Variants in CDC42BPA observed in about 807,000 individuals in gnomAD.
CDC42BPA encodes serine/threonine-protein kinase MRCK alpha.
CDC42BPA carries 80 observed loss-of-function variants against 223.5 expected under a neutral mutation model. The observed-to-expected ratio is 0.36, with a 90% CI of 0.30 to 0.43. CDC42BPA has a LOEUF of 0.43. Ranked by LOEUF, CDC42BPA falls within the 20% of genes least tolerant of loss-of-function variation. The pLI is 1.00. For missense variants in CDC42BPA, 1,743 were observed against 2,099.9 expected (o/e 0.83, Z 3.32); for synonymous variants, 694 against 718.6 (o/e 0.97, Z 0.55).
At chr1:227,239,441 A>G (rs1213883182) in intron 2 of CDC42BPA, among the ~76,000 whole-genome samples, 2 of 152,184 alleles carry the variant, frequency 1.3e-5, no homozygotes, top group African/African-American at 4.8e-5. Context: ...TAATATGTCA[A>G]TGTAGTTTCC....
chr1:227,198,611 T>C (rs900654502), intron 4 of CDC42BPA, among the ~76,000 whole-genome samples: 96 of 152,244 alleles, frequency 6.3e-4, no homozygotes, highest in African/African-American at 2.2e-3. Context: ...TTTGAACACC[T>C]AGATCTGGCC....
At chr1:227,158,059 G>A (rs1663146122) in intron 6 of CDC42BPA, among the ~76,000 whole-genome samples, 1 of 151,436 alleles carries the variant, frequency 6.6e-6, no homozygotes, top group Non-Finnish European at 1.5e-5. Flanking sequence ...CTGGGTTCAA[G>A]CGATTCTCCT....
At chr1:227,025,381 A>C (rs933158156) in intron 31 of CDC42BPA, among the ~76,000 whole-genome samples, 1 of 152,200 alleles carries the variant, frequency 6.6e-6, no homozygotes. Flanking sequence ...TATGATTTTA[A>C]ATGGGTGCTA....
At chr1:227,160,234 G>A (rs3768437) in intron 6 of CDC42BPA, among the ~76,000 whole-genome samples, 25,833 of 152,064 alleles carry the variant, frequency 0.17, 2,340 homozygotes, top group Non-Finnish European at 0.19. Flanking sequence ...TTTTACCCCC[G>A]GTGAACTTTG....
chr1:227,224,971 A>T (rs567523935), intron 2 of CDC42BPA, among the ~76,000 whole-genome samples: 1 of 152,226 alleles, frequency 6.6e-6, no homozygotes, highest in African/African-American at 2.4e-5. Context: ...GCAATGAGCT[A>T]ACAGAGGGAA....
intron 6 of CDC42BPA, among the ~76,000 whole-genome samples, chr1:227,155,774 T>G (rs1268899416): frequency 6.6e-6 from 1 of 152,192 alleles, no homozygotes; most frequent in Non-Finnish European, 1.5e-5. Flanking sequence ...GACACGACGA[T>G]GAGTATTTGT....
chr1:227,077,062 A>T (rs912467507), intron 17 of CDC42BPA, among the ~76,000 whole-genome samples: 3 of 152,190 alleles, frequency 2.0e-5, no homozygotes, highest in Admixed American at 2.0e-4. Flanking sequence ...CAATTAGTTA[A>T]TACTTATTAA....
chr1:227,222,642 C>T (rs1344480528), intron 2 of CDC42BPA, among the ~76,000 whole-genome samples: 1 of 152,206 alleles, frequency 6.6e-6, no homozygotes. Context: ...ACTTTAGACA[C>T]ACAGGCCTTG....
At chr1:227,315,626 G>A (rs1019197914) in intron 1 of CDC42BPA, among the ~76,000 whole-genome samples, 3 of 151,220 alleles carry the variant, frequency 2.0e-5, no homozygotes, top group Admixed American at 6.6e-5. Flanking sequence ...TGAAACATGG[G>A]ATGTAAAACT....
At chr1:227,270,520 T>C (rs1685781704) in intron 1 of CDC42BPA, among the ~76,000 whole-genome samples, 1 of 152,222 alleles carries the variant, frequency 6.6e-6, no homozygotes, top group Admixed American at 6.5e-5. Context: ...ACCTCACTTG[T>C]AAAATGGTGA....
chr1:227,007,804 G>A (rs888111557), intron 34 of CDC42BPA, among the ~76,000 whole-genome samples: 10 of 152,166 alleles, frequency 6.6e-5, no homozygotes, highest in African/African-American at 1.7e-4. Flanking sequence ...GCTATTTAAC[G>A]TTAATAGAAA....
At position 226,990,257 on chromosome 1, in the gene CDC42BPA, T is replaced by TC. The variant is rs1181066727; in HGVS notation, c.*4010dup. ...AATAAAAAGACAAGTCATTTTGTTT[T>TC]CATGAGATTTCAAGGTTGATTTGAG... On this transcript the variant is annotated 3_prime_UTR_variant, in exon 37 of 37. Coordinates refer to ENST00000366766, the MANE Select transcript of CDC42BPA (RefSeq NM_001394014.1). 1.3e-5 allele frequency: 2 copies of TC among 152,246 alleles called. No homozygotes were observed. Among genetic ancestry groups the TC allele is most frequent in the Non-Finnish European group, 2.9e-5 (2 of 68,042 alleles). 9.4% of individuals were successfully genotyped at this position (152,246 alleles called of 1,614,324 possible). A position where few individuals can be genotyped will look rare whatever the true frequency, so the allele number is the denominator to read the frequency against.
intron 32 of CDC42BPA, among the ~76,000 whole-genome samples, chr1:227,017,650 G>T (rs1227084607): frequency 1.3e-5 from 2 of 152,096 alleles, no homozygotes; most frequent in Non-Finnish European, 2.9e-5. Context: ...GATCTTGGGG[G>T]TAGATGATGT....
At chr1:227,152,769 C>A (rs1464186425) in intron 6 of CDC42BPA, among the ~76,000 whole-genome samples, 1 of 152,014 alleles carries the variant, frequency 6.6e-6, no homozygotes, top group East Asian at 1.9e-4. Flanking sequence ...GGACAACACA[C>A]AAAACCAAAA....
chr1:227,200,415 A>T (rs1261829655), intron 3 of CDC42BPA, among the ~76,000 whole-genome samples: 1 of 147,104 alleles, frequency 6.8e-6, no homozygotes, highest in Non-Finnish European at 1.5e-5. Context: ...TGGGTGACAG[A>T]GTGAGACCTT....
intron 1 of CDC42BPA, among the ~76,000 whole-genome samples, chr1:227,303,352 G>C (rs964475902): frequency 6.6e-6 from 1 of 152,150 alleles, no homozygotes; most frequent in Non-Finnish European, 1.5e-5. Context: ...CCAGTTGCCA[G>C]CATTCTGGGA....
chr1:227,297,443 CAA>C (rs946798683), intron 1 of CDC42BPA, among the ~76,000 whole-genome samples: 17 of 152,058 alleles, frequency 1.1e-4, no homozygotes, highest in African/African-American at 3.9e-4. Flanking sequence ...AGCATATATG[CAA>C]AAGAGTTAAA....
chr1:227,092,392 G>A (rs1424234735), intron 15 of CDC42BPA, among the ~76,000 whole-genome samples: 2 of 152,202 alleles, frequency 1.3e-5, no homozygotes, highest in African/African-American at 2.4e-5. Context: ...GTATTTGGGA[G>A]AGGGTGGCTA....
chr1:227,312,400 ATGGGACAT>A, intron 1 of CDC42BPA, among the ~76,000 whole-genome samples: 1 of 152,236 alleles, frequency 6.6e-6, no homozygotes, highest in African/African-American at 2.4e-5. Context: ...CCTAGGAATT[ATGGGACAT>A]TTCATAAAAT....
Sources: gnomAD v4.1 joint callset for allele counts (sites outside exome capture counted in the v4.1 genomes callset) on GRCh38, gnomAD v4.1.1 for gene constraint, MANE v1.5 for transcripts, NCBI Gene and HGNC (gene_info 2026-07-23, HGNC 2026-07-21) for gene names.